Variants in SNRK observed in about 807,000 individuals in gnomAD.
SNRK encodes SNF related kinase.
In SNRK, 3 loss-of-function variants were observed where a neutral mutation model predicts 48.2. That is an observed-to-expected ratio of 0.06 (90% CI 0.03 to 0.16). SNRK has a LOEUF of 0.16. Among genes scored for constraint, SNRK ranks in the 10% least tolerant of loss-of-function variants. The pLI is 1.00. For synonymous variants in SNRK, 376 were observed against 366.1 expected (o/e 1.03, Z -0.31); for missense variants, 627 against 976.0 (o/e 0.64, Z 4.76).
rs112475043 is a variant in SNRK at position 43,345,104 on chromosome 3, T to TA, written c.1079+1634dup. On this transcript the variant is annotated intron_variant, in intron 6 of 6. Transcript: ENST00000296088. ...ACCCTGTCTCTATAAAAATTAAAAA[T>TA]AAAAAAAATTTAAAAATACCAGAGC... Among the ~76,000 whole-genome samples the TA allele has an allele frequency of 2.0e-5, 3 of 152,132 alleles. No homozygotes were observed. In the South Asian group the frequency reaches 6.2e-4, roughly 32 times the overall value.
intron 1 of SNRK, among the ~76,000 whole-genome samples, chr3:43,297,983 C>T (rs1381373620): frequency 6.6e-6 from 1 of 152,036 alleles, no homozygotes; most frequent in Non-Finnish European, 1.5e-5. Flanking sequence ...GAAGTAGGGT[C>T]AGCAACTGAA....
intron 4 of SNRK, among the ~76,000 whole-genome samples, chr3:43,334,653 G>T (rs2091172963): frequency 6.6e-6 from 1 of 151,652 alleles, no homozygotes; most frequent in African/African-American, 2.4e-5. Flanking sequence ...GAGTGCAGTG[G>T]CACAGTCTCG....
chr3:43,317,969 T>C (rs930490610), intron 3 of SNRK, among the ~76,000 whole-genome samples: 9 of 152,210 alleles, frequency 5.9e-5, no homozygotes, highest in African/African-American at 2.2e-4. Flanking sequence ...AAATTAGCCC[T>C]CAGTCCATCA....
intron 3 of SNRK, among the ~76,000 whole-genome samples, chr3:43,318,733 C>G (rs1232191289): frequency 6.6e-6 from 1 of 152,040 alleles, no homozygotes; most frequent in East Asian, 1.9e-4. Flanking sequence ...TTAGAATGTA[C>G]TAAAGAATCG....
chr3:43,343,140 G>C, intron 5 of SNRK: 1 of 552,108 alleles, frequency 1.8e-6, no homozygotes, highest in Non-Finnish European at 2.9e-6. Flanking sequence ...ATAAAAATAT[G>C]AACATTTTTA....
intron 1 of SNRK, among the ~76,000 whole-genome samples, chr3:43,297,741 A>T (rs1349679401): frequency 6.6e-6 from 1 of 152,190 alleles, no homozygotes; most frequent in African/African-American, 2.4e-5. Context: ...TTGAAAAGCT[A>T]AATTTGATAG....
intron 5 of SNRK, 88 bp downstream of exon 5, chr3:43,340,587 G>A (rs1023307458): frequency 1.8e-5 from 21 of 1,149,800 alleles, no homozygotes; most frequent in Non-Finnish European, 2.7e-5. Context: ...TTGGACACCT[G>A]TGTAATAGAT....
intron 3 of SNRK, among the ~76,000 whole-genome samples, chr3:43,309,806 G>A (rs1464416881): frequency 1.3e-5 from 2 of 152,036 alleles, no homozygotes; most frequent in East Asian, 1.9e-4. Flanking sequence ...TGTAAAGATA[G>A]AGTCTTACTA....
chr3:43,330,943 T>C (rs1249952755), intron 3 of SNRK, among the ~76,000 whole-genome samples: 1 of 152,238 alleles, frequency 6.6e-6, no homozygotes, highest in South Asian at 2.1e-4. Context: ...AATCACATTG[T>C]ATGTAACTTT....
intron 5 of SNRK, among the ~76,000 whole-genome samples, chr3:43,341,148 T>C (rs2091232869): frequency 6.6e-6 from 1 of 151,964 alleles, no homozygotes; most frequent in South Asian, 2.1e-4. Context: ...AGTTGTTTTT[T>C]TGTTTTTGTT....
chr3:43,317,507 G>A (rs1415097770), intron 3 of SNRK, among the ~76,000 whole-genome samples: 2 of 152,210 alleles, frequency 1.3e-5, no homozygotes, highest in Admixed American at 6.5e-5. Flanking sequence ...TTCCTCTGCT[G>A]AAAACTATTT....
chr3:43,299,496 A>G (rs571069960), intron 1 of SNRK, among the ~76,000 whole-genome samples: 2 of 152,112 alleles, frequency 1.3e-5, no homozygotes, highest in East Asian at 1.9e-4. Context: ...TTATTTCTTC[A>G]TTCCAGTGGA....
chr3:43,336,846 G>A (rs556797210), intron 4 of SNRK, among the ~76,000 whole-genome samples: 2 of 152,096 alleles, frequency 1.3e-5, no homozygotes, highest in Non-Finnish European at 2.9e-5. Flanking sequence ...CTGCCTCCCA[G>A]GTTCAAGTGA....
At chr3:43,295,734 A>G (rs1407195924) in intron 1 of SNRK, among the ~76,000 whole-genome samples, 2 of 151,972 alleles carry the variant, frequency 1.3e-5, no homozygotes, top group Non-Finnish European at 2.9e-5. Flanking sequence ...AAAGTGAAAT[A>G]TTGTTTACTT....
At chr3:43,339,801 T>G in intron 4 of SNRK, among the ~76,000 whole-genome samples, 2 of 116,630 alleles carry the variant, frequency 1.7e-5, no homozygotes, top group Non-Finnish European at 1.7e-5. Context: ...GGCAATGGAG[T>G]GGGACTCCAT....
rs778324638 is a variant in SNRK, at chr3:43,343,484, A to G, written c.1079+6A>G. ...AATATCAAGGCCCAGTTTAGGTGAG[A>G]AAAAAATCTTCACTGATTTTAGTAA... On this transcript the variant is annotated splice_donor_region_variant and intron_variant, in intron 6 of 6. Coordinates refer to ENST00000296088, the MANE Select transcript of SNRK (RefSeq NM_017719.5). 2 of 1,605,742 alleles carry G rather than the reference A, an allele frequency of 1.2e-6. No homozygotes were observed. The highest frequency in any genetic ancestry group is 2.2e-5 in the South Asian group (2 of 89,210).
Position 43,332,159 on chromosome 3 carries a change from T to C in SNRK, c.590-10T>C. ...AGTCCAATATTTTAAAGTATGTCTT[T>C]GATTTATAGATATTTGGAGTCTGGG... On this transcript the variant is annotated splice_polypyrimidine_tract_variant and intron_variant, in intron 3 of 6. Coordinates refer to ENST00000296088, the MANE Select transcript of SNRK (RefSeq NM_017719.5). 1 of 1,533,850 alleles carries C rather than the reference T, an allele frequency of 6.5e-7. No homozygotes were observed. Among genetic ancestry groups the C allele is most frequent in the African/African-American group, 1.4e-5 (1 of 71,624 alleles).
intron 3 of SNRK, among the ~76,000 whole-genome samples, chr3:43,312,126 G>A (rs766707777): frequency 2.0e-4 from 30 of 152,168 alleles, no homozygotes; most frequent in Non-Finnish European, 3.7e-4. Context: ...TATTTTAGGC[G>A]TTTCCTAGTA....
intron 3 of SNRK, among the ~76,000 whole-genome samples, chr3:43,313,057 A>G (rs985059766): frequency 6.6e-6 from 1 of 152,224 alleles, no homozygotes; most frequent in Non-Finnish European, 1.5e-5. Flanking sequence ...TTATTCTAAA[A>G]TGTATCTGGA....
Sources: allele counts gnomAD v4.1 joint callset (sites outside exome capture counted in the v4.1 genomes callset), GRCh38; gene constraint gnomAD v4.1.1; transcripts MANE v1.5; gene names NCBI Gene and HGNC (gene_info 2026-07-23, HGNC 2026-07-21).